The following ANKFN1 variants were observed in gnomAD, a reference collection of about 807,000 sequenced individuals.
The protein encoded by ANKFN1 is ankyrin repeat and fibronectin type-III domain-containing protein 1.
ANKFN1 carries 74 observed loss-of-function variants against 108.7 expected under a neutral mutation model. That is an observed-to-expected ratio of 0.68 (90% CI 0.56 to 0.83). ANKFN1 has a LOEUF of 0.83. ANKFN1 is among the 40% of genes least tolerant of loss of function. The pLI is 0.00. For synonymous variants in ANKFN1, 547 were observed against 516.2 expected (o/e 1.06, Z -0.81); for missense variants, 1,505 against 1,382.3 (o/e 1.09, Z -1.41).
intron 4 of ANKFN1, among the ~76,000 whole-genome samples, chr17:56,100,149 G>A (rs1014449562): frequency 6.6e-6 from 1 of 152,166 alleles, no homozygotes; most frequent in African/African-American, 2.4e-5. Context: ...CTGCAAAATG[G>A]CAGTGAAGGC....
intron 18 of ANKFN1, among the ~76,000 whole-genome samples, 172 bp from the exon 19 acceptor site, chr17:56,492,015 G>A (rs73991552): frequency 0.029 from 4,408 of 152,166 alleles, 189 homozygotes; most frequent in African/African-American, 0.1. Context: ...TCTGACTAAA[G>A]CCAGACAACT....
At position 56,371,138 on chromosome 17, in the gene ANKFN1, A is replaced by G. The variant is rs116587091; in HGVS notation, c.602-1508A>G. Among the ~76,000 whole-genome samples the G allele has an allele frequency of 3.7e-3, 568 of 152,252 alleles. 6 individuals carry two copies. The highest frequency in any genetic ancestry group is 0.013 in the African/African-American group (542 of 41,560). ...ATTTTTCTGTCATGGCTCATGACTG[A>G]GGCTTTTAAAAAAAAGTGTGACAGT... On this transcript the variant is annotated intron_variant, in intron 6 of 20. Transcript: ENST00000682825.
At chr17:56,277,946 A>G (rs1460718764) in intron 3 of ANKFN1, among the ~76,000 whole-genome samples, 2 of 152,344 alleles carry the variant, frequency 1.3e-5, no homozygotes, top group African/African-American at 4.8e-5. Flanking sequence ...CTCTACGAAT[A>G]AGATCAAGAC....
At chr17:56,335,382 T>C (rs2045778678) in intron 4 of ANKFN1, among the ~76,000 whole-genome samples, 1 of 152,176 alleles carries the variant, frequency 6.6e-6, no homozygotes, top group Middle Eastern at 3.2e-3. Flanking sequence ...GTTTCTGTCC[T>C]CCTTTATTTC....
At chr17:56,385,381 A>G (rs938858706) in intron 8 of ANKFN1, among the ~76,000 whole-genome samples, 7 of 152,252 alleles carry the variant, frequency 4.6e-5, no homozygotes, top group African/African-American at 1.7e-4. Context: ...AAGAAAGCCT[A>G]GGCATTACCA....
chr17:56,427,055 T>C (rs932228665), intron 8 of ANKFN1, among the ~76,000 whole-genome samples: 4 of 152,188 alleles, frequency 2.6e-5, no homozygotes, highest in African/African-American at 9.6e-5. Context: ...TTCTTTTTAG[T>C]GAGACACAGA....
At chr17:56,322,901 G>A (rs1403590439) in intron 3 of ANKFN1, among the ~76,000 whole-genome samples, 1 of 152,024 alleles carries the variant, frequency 6.6e-6, no homozygotes, top group Non-Finnish European at 1.5e-5. Flanking sequence ...GTTCATCTTT[G>A]AATGGGAGCA....
At chr17:56,104,873 A>G (rs1048608907) in intron 4 of ANKFN1, among the ~76,000 whole-genome samples, 1 of 152,204 alleles carries the variant, frequency 6.6e-6, no homozygotes, top group Non-Finnish European at 1.5e-5. Flanking sequence ...GGACAACTAC[A>G]TTAAAAAAAC....
chr17:56,419,504 T>C (rs1041970124), intron 8 of ANKFN1, among the ~76,000 whole-genome samples: 1 of 144,332 alleles, frequency 6.9e-6, no homozygotes, highest in Admixed American at 6.9e-5. Flanking sequence ...AAAAGAGATA[T>C]AAATTTGGGT....
chr17:56,407,865 A>G (rs2047967447), intron 8 of ANKFN1, among the ~76,000 whole-genome samples: 1 of 152,104 alleles, frequency 6.6e-6, no homozygotes, highest in African/African-American at 2.4e-5. Flanking sequence ...AACTGTTTTC[A>G]ATATAAACTT....
At position 56,489,514 on chromosome 17, in the gene ANKFN1, A is replaced by G. The variant is rs1395023269; in HGVS notation, c.2261-2673A>G. ...GAAGCGTTATAGTTGAAACCTCCTC[A>G]TAACTCACTTGTGGTGCATGGCATG... On this transcript the variant is annotated intron_variant, in intron 18 of 20. Coordinates refer to ENST00000682825, the MANE Select transcript of ANKFN1 (RefSeq NM_001370326.1). 2.6e-5 allele frequency among the ~76,000 whole-genome samples: 4 copies of G among 151,678 alleles called. No homozygotes were observed. In the East Asian group the frequency reaches 7.8e-4, roughly 29 times the overall value.
chr17:56,255,685 T>C (rs1182993362), intron 3 of ANKFN1, among the ~76,000 whole-genome samples: 1 of 152,152 alleles, frequency 6.6e-6, no homozygotes, highest in Non-Finnish European at 1.5e-5. Context: ...TGTAAATGAG[T>C]CAACTTTTCA....
At chr17:56,420,085 C>T (rs1485455497) in intron 8 of ANKFN1, among the ~76,000 whole-genome samples, 1 of 152,178 alleles carries the variant, frequency 6.6e-6, no homozygotes, top group Non-Finnish European at 1.5e-5. Context: ...CTCATGCCTT[C>T]ATGCCATTGC....
intron 18 of ANKFN1, among the ~76,000 whole-genome samples, chr17:56,487,634 C>T (rs1340876464): frequency 2.6e-5 from 4 of 152,106 alleles, no homozygotes; most frequent in African/African-American, 4.8e-5. Context: ...CTGAACCATA[C>T]AGACATTAAT....
In ANKFN1 at chr17:56,068,887, A is replaced by G. The variant is rs144126599; in HGVS notation, c.288+22562A>G. Reference sequence around the variant, plus strand: ...AAATGAATGTATTCCTTTATCACGTATGTATTTCTAAAACCCTCTTTGAAA... The same window carrying G: ...AAATGAATGTATTCCTTTATCACGTGTGTATTTCTAAAACCCTCTTTGAAA... On this transcript the variant is annotated intron_variant, in intron 4 of 12. Coordinates refer to the ANKFN1 transcript ENST00000635860. 4.3e-3 allele frequency among the ~76,000 whole-genome samples: 657 copies of G among 152,290 alleles called. 2 individuals carry two copies. Among genetic ancestry groups the G allele is most frequent in the Non-Finnish European group, 7.6e-3 (515 of 68,026 alleles).
intron 8 of ANKFN1, among the ~76,000 whole-genome samples, chr17:56,389,963 G>A (rs1035421464): frequency 1.3e-5 from 2 of 151,932 alleles, no homozygotes; most frequent in African/African-American, 4.8e-5. Context: ...CCACTCACTT[G>A]CCCACTGATT....
At chr17:56,254,171 T>G (rs1321880170) in intron 3 of ANKFN1, 1 of 152,182 alleles carries the variant, frequency 6.6e-6, no homozygotes, top group Non-Finnish European at 1.5e-5. Flanking sequence ...AAACAATCCT[T>G]CAGCACACTG....
chr17:56,351,037 A>G (rs1598442495), intron 5 of ANKFN1, 70 bp downstream of exon 5: 1 of 1,469,948 alleles, frequency 6.8e-7, no homozygotes. Flanking sequence ...AGGATATTCT[A>G]AGATGATTCA....
intron 14 of ANKFN1, among the ~76,000 whole-genome samples, chr17:56,462,578 G>A (rs2049941828): frequency 1.3e-5 from 2 of 152,124 alleles, no homozygotes; most frequent in South Asian, 4.1e-4. Flanking sequence ...TGGGCAACAA[G>A]GGTGAAACTC....
Sources: gnomAD v4.1 joint callset for allele counts (sites outside exome capture counted in the v4.1 genomes callset) on GRCh38, gnomAD v4.1.1 for gene constraint, MANE v1.5 for transcripts, NCBI Gene and HGNC (gene_info 2026-07-23, HGNC 2026-07-21) for gene names.